Variants in KNDC1 observed in about 807,000 individuals in gnomAD.
The protein encoded by KNDC1 is kinase non-catalytic C-lobe domain containing 1, also known as kinase non-catalytic C-lobe domain-containing protein 1.
KNDC1 carries 106 observed loss-of-function variants against 172.8 expected under a neutral mutation model. The ratio of observed to expected loss-of-function variants is 0.61; its 90% CI spans 0.52 to 0.72. KNDC1 has a LOEUF of 0.72. KNDC1 is among the 30% of genes least tolerant of loss of function. The pLI is 0.00. For missense variants in KNDC1, 2,325 were observed against 2,394.5 expected, an observed-to-expected ratio of 0.97 and a Z score of 0.61; for synonymous variants, 1,083 against 1,062.2, an observed-to-expected ratio of 1.02 and a Z score of -0.38.
rs942514411 is a variant in KNDC1, at chr10:133,225,109, G to A, written c.*219G>A. 8.8e-6 allele frequency: 5 copies of A among 569,306 alleles called. No homozygotes were observed. Among genetic ancestry groups the A allele is most frequent in the Non-Finnish European group, 1.6e-5 (5 of 317,184 alleles). 35.3% of individuals were successfully genotyped at this position (569,306 alleles called of 1,614,324 possible). A position where few individuals can be genotyped will look rare whatever the true frequency, so the allele number is the denominator to read the frequency against. ...GAGCCAGGACGGGCACAAGAGTCTT[G>A]GAGGTTTGCGTGTTTCTGCTAGAAT... is the stretch of plus-strand genomic sequence containing the variant. On this transcript the variant is annotated 3_prime_UTR_variant, in exon 30 of 30. Transcript: ENST00000304613.
rs1464701017 is a variant in KNDC1, at chr10:133,220,067, G to A, written c.4973G>A (p.Gly1658Asp). 6.4e-7 allele frequency: 1 copy of A among 1,566,284 alleles called. No individual in the cohort carries two copies. The highest frequency in any genetic ancestry group is 8.7e-7 in the Non-Finnish European group (1 of 1,155,492). The change falls in exon 29 of 30, where the codon GGC (glycine) becomes GAC (aspartate). Residue 1658 changes from glycine (G) to aspartate (D), a missense_variant. Transcript: ENST00000304613. ...LAMHIQQLET[G>D]GFTMTNGAHR... ...ATGCACATCCAGCAGCTGGAGACAG[G>A]CGGCTTCACCATGACCAACGGGGCC...
chr10:133,188,216 G>A (rs1176437641), intron 6 of KNDC1, among the ~76,000 whole-genome samples: 1 of 152,158 alleles, frequency 6.6e-6, no homozygotes, highest in Non-Finnish European at 1.5e-5. Context: ...CCCTGCCCTC[G>A]GTTCCTCGGG....
intron 10 of KNDC1, among the ~76,000 whole-genome samples, chr10:133,196,025 A>G (rs1011680226): frequency 1.3e-5 from 2 of 152,204 alleles, no homozygotes; most frequent in African/African-American, 4.8e-5. Context: ...GGCCACGTCC[A>G]TGTGGGTGGA....
At chr10:133,172,009 A>G (rs1853391286) in intron 3 of KNDC1, among the ~76,000 whole-genome samples, 1 of 152,116 alleles carries the variant, frequency 6.6e-6, no homozygotes, top group South Asian at 2.1e-4. Flanking sequence ...TAGTTTTCCT[A>G]TTTAACTGAT....
intron 6 of KNDC1, among the ~76,000 whole-genome samples, chr10:133,187,213 C>T (rs976031054): frequency 3.9e-5 from 6 of 152,256 alleles, no homozygotes; most frequent in African/African-American, 1.2e-4. Flanking sequence ...GCTGCCCGGA[C>T]GTGGCCTCCA....
intron 23 of KNDC1, among the ~76,000 whole-genome samples, chr10:133,212,281 C>CCA (rs575649097): frequency 1.3e-5 from 2 of 151,834 alleles, no homozygotes; most frequent in Non-Finnish European, 2.9e-5. Context: ...GCACACGCAT[C>CCA]CACACACACA....
At chr10:133,160,861 G>T (rs1443812797) in intron 1 of KNDC1, among the ~76,000 whole-genome samples, 1 of 152,140 alleles carries the variant, frequency 6.6e-6, no homozygotes, top group Non-Finnish European at 1.5e-5. Context: ...AAGGAGGACG[G>T]AGGGGGGTCT....
intron 7 of KNDC1, 65 bp from the exon 8 acceptor site, chr10:133,189,533 T>TC: frequency 6.7e-7 from 1 of 1,500,998 alleles, no homozygotes; most frequent in Admixed American, 1.7e-5. Flanking sequence ...CGCAGCTCCT[T>TC]CCCCCCAGCC....
intron 11 of KNDC1, 92 bp downstream of exon 11, chr10:133,197,227 GC>G: frequency 2.0e-6 from 2 of 979,072 alleles, no homozygotes; most frequent in Middle Eastern, 2.8e-4. Context: ...GCTCCCGGCA[GC>G]CCCACACCCC....
chr10:133,222,270 G>A (rs191252937), intron 29 of KNDC1, among the ~76,000 whole-genome samples: 3 of 130,084 alleles, frequency 2.3e-5, no homozygotes, highest in East Asian at 2.5e-4. Flanking sequence ...GCGATAGAGC[G>A]AGACTCCGTC....
Position 133,201,824 on chromosome 10 carries a change from G to A in KNDC1, c.3313G>A (p.Ala1105Thr), listed in dbSNP as rs868053837. 6 of 1,496,248 alleles carry A rather than the reference G, an allele frequency of 4.0e-6. No homozygotes were observed. The allele number at this position is 1,496,248 out of a possible 1,614,324, so 92.7% of individuals were successfully genotyped here. The change falls in exon 17 of 30, where the codon GCC (alanine) becomes ACC (threonine). Residue 1105 changes from alanine (A) to threonine (T), a missense_variant. Coordinates refer to ENST00000304613, the MANE Select transcript of KNDC1 (RefSeq NM_152643.8). ...CTTCTACGAGGCCGACTGCTTCGGG[G>A]CCGACGTCCACAACTACGTGAAGGA... is the stretch of plus-strand genomic sequence containing the variant. ...SAFYEADCFG[A>T]DVHNYVKDLG... is the part of the protein sequence containing the mutation.
In KNDC1 at chr10:133,214,163, G is replaced by A. The variant is rs200732395; in HGVS notation, c.4677+41G>A. On this transcript the variant is annotated intron_variant, in intron 26 of 29. Transcript: ENST00000304613. Reference sequence around the variant, plus strand: ...TTCCGAGGCCAACACGGGGCGTGGGGCCCACCTACGCGGGGGTGGCAGCGC... The same window carrying A: ...TTCCGAGGCCAACACGGGGCGTGGGACCCACCTACGCGGGGGTGGCAGCGC... 2.5e-6 allele frequency: 4 copies of A among 1,607,234 alleles called. No individual in the cohort carries two copies. The African/African-American group carries it at 4.0e-5, about 16-fold the overall frequency.
chr10:133,211,942 T>C (rs1845375945), intron 23 of KNDC1, 84 bp downstream of exon 23: 1 of 1,350,296 alleles, frequency 7.4e-7, no homozygotes, highest in Non-Finnish European at 1.0e-6. Flanking sequence ...AACTGGTGCA[T>C]GCACACACAT....
In KNDC1 at chr10:133,198,991, C is replaced by G. The variant is rs771532004; in HGVS notation, c.2483C>G (p.Pro828Arg). The part of the protein sequence containing the change: ...PTTAHHGPRH[P>R]PKPPRSKATE... ...ACGGCCCACCACGGCCCACGCCACC[C>G]GCCCAAGCCCCCACGAAGCAAGGCC... Residue 828 changes from proline (P) to arginine (R), a missense_variant, in exon 14 of 30, where the codon CCG (proline) becomes CGG (arginine). Physicochemically the swap from Pro to Arg is moderately radical, Grantham distance 103. Coordinates refer to ENST00000304613, the MANE Select transcript of KNDC1 (RefSeq NM_152643.8). 6.4e-7 allele frequency: 1 copy of G among 1,552,230 alleles called. No homozygotes were observed.
Position 133,211,660 on chromosome 10 carries a change from C to T in KNDC1, c.4057-19C>T, listed in dbSNP as rs1845368216. ...CCAGAAGGTGGCAGTGACCCCCCCA[C>T]CACTGTGCTTCTGCCTAGATCCTAC... On this transcript the variant is annotated intron_variant, in intron 22 of 29. Coordinates refer to ENST00000304613, the MANE Select transcript of KNDC1 (RefSeq NM_152643.8). 6.3e-7 allele frequency: 1 copy of T among 1,590,952 alleles called. No homozygotes were observed. Among genetic ancestry groups the T allele is most frequent in the Non-Finnish European group, 8.6e-7 (1 of 1,166,290 alleles).
intron 29 of KNDC1, among the ~76,000 whole-genome samples, chr10:133,220,902 C>T (rs1845574368): frequency 6.6e-6 from 1 of 152,082 alleles, no homozygotes; most frequent in Non-Finnish European, 1.5e-5. Flanking sequence ...TCAGGTGGCA[C>T]CTCTCCTCCT....
intron 3 of KNDC1, among the ~76,000 whole-genome samples, chr10:133,178,156 C>A (rs7071610): frequency 0.42 from 62,155 of 147,754 alleles, 14,502 homozygotes; most frequent in South Asian, 0.67. Flanking sequence ...GTCACGGGCA[C>A]ACGAGTGTAT....
intron 3 of KNDC1, among the ~76,000 whole-genome samples, chr10:133,175,493 T>C (rs1464568343): frequency 6.7e-6 from 1 of 148,194 alleles, no homozygotes; most frequent in East Asian, 2.0e-4. Flanking sequence ...GATAAGTAGA[T>C]AGATGGGTAG....
At chr10:133,171,604 C>T (rs748152159) in intron 3 of KNDC1, among the ~76,000 whole-genome samples, 1 of 151,124 alleles carries the variant, frequency 6.6e-6, no homozygotes, top group Non-Finnish European at 1.5e-5. Context: ...TTACATTTTT[C>T]TGTTTGTTTG....
Sources: allele counts gnomAD v4.1 joint callset (sites outside exome capture counted in the v4.1 genomes callset), GRCh38; gene constraint gnomAD v4.1.1; transcripts MANE v1.5; gene names NCBI Gene and HGNC (gene_info 2026-07-23, HGNC 2026-07-21).